GRAMD2B: variants seen among roughly 807,000 people sequenced by gnomAD.
GRAMD2B encodes GRAM domain containing 2B, also known as GRAM domain-containing protein 2B.
In GRAMD2B, 41 loss-of-function variants were observed where a neutral mutation model predicts 59.2. The ratio of observed to expected loss-of-function variants is 0.69; its 90% confidence interval spans 0.54 to 0.90. GRAMD2B has a LOEUF of 0.90. GRAMD2B is among the 40% of genes least tolerant of loss of function. The pLI is 0.00. For missense variants in GRAMD2B, 424 were observed against 500.5 expected, an observed-to-expected ratio of 0.85 and a Z score of 1.46; for synonymous variants, 161 against 182.7, an observed-to-expected ratio of 0.88 and a Z score of 0.96.
At chr5:126,485,624 T>C (rs1772755619) in intron 10 of GRAMD2B, 62 bp from the exon 11 acceptor site, 2 of 1,002,042 alleles carry the variant, frequency 2.0e-6, no homozygotes, top group East Asian at 2.4e-5. Context: ...CATAGGGATA[T>C]TGCTGGATAA....
chr5:126,399,746 C>A (rs1047083091), intron 1 of GRAMD2B, among the ~76,000 whole-genome samples: 2 of 152,112 alleles, frequency 1.3e-5, no homozygotes, highest in African/African-American at 4.8e-5. Context: ...ATCTTTCACT[C>A]GAGACAGTTT....
Position 126,400,747 on chromosome 5 carries a change from C to T in GRAMD2B, c.125+29180C>T, listed in dbSNP as rs371886090. 2.0e-4 allele frequency among the ~76,000 whole-genome samples: 31 copies of T among 152,170 alleles called. No homozygotes were observed. The South Asian group carries it at 5.4e-3, about 26-fold the overall frequency. The stretch of plus-strand genomic sequence containing the variant: ...TGGTATTCTTGGTTGGCAGTTTTTT[C>T]TTTCAGCACTTTGAAAATATCATCC... On this transcript the variant is annotated intron_variant, in intron 1 of 8. Transcript: ENST00000506445.
rs1195208309 is a variant in GRAMD2B, at chr5:126,484,413, A to G, written c.859A>G (p.Thr287Ala). 4 of 1,613,662 alleles carry G rather than the reference A, an allele frequency of 2.5e-6. No homozygotes were observed. In the African/African-American group the frequency reaches 5.3e-5, roughly 22 times the overall value. Residue 287 changes from threonine to alanine, a missense_variant, in exon 10 of 14, where the codon ACA (threonine) becomes GCA (alanine). Thr to Ala is a moderately conservative substitution (Grantham distance 58). Coordinates refer to ENST00000285689, the MANE Select transcript of GRAMD2B (RefSeq NM_023927.4). ...ESENSRDFHA[T>A]ESQTVLNVSK... ...TTTTGGCTTAGTAGATTTCCATGCGACAGAATCCCAAACAGTTCTGAATGT... is the reference window on the plus strand; with the variant it reads ...TTTTGGCTTAGTAGATTTCCATGCGGCAGAATCCCAAACAGTTCTGAATGT...
chr5:126,412,625 G>A (rs189852282), intron 1 of GRAMD2B, among the ~76,000 whole-genome samples: 28 of 152,148 alleles, frequency 1.8e-4, no homozygotes, highest in African/African-American at 5.1e-4. Flanking sequence ...TGGCTTTATA[G>A]AATGAGTTAG....
intron 1 of GRAMD2B, among the ~76,000 whole-genome samples, chr5:126,435,574 T>A (rs1218541282): frequency 2.0e-5 from 3 of 152,194 alleles, no homozygotes; most frequent in Non-Finnish European, 4.4e-5. Flanking sequence ...ACCGACTCTT[T>A]GAAACTTTAG....
chr5:126,412,539 A>T (rs555326669), intron 1 of GRAMD2B, among the ~76,000 whole-genome samples: 28 of 152,160 alleles, frequency 1.8e-4, no homozygotes, highest in African/African-American at 6.7e-4. Flanking sequence ...TTTTGCATCT[A>T]TGTTCATCAG....
At chr5:126,461,370 A>C (rs564446567) in intron 1 of GRAMD2B, among the ~76,000 whole-genome samples, 1 of 152,364 alleles carries the variant, frequency 6.6e-6, no homozygotes, top group South Asian at 2.1e-4. Context: ...GTCATCATCA[A>C]ACTAATGATG....
upstream of GRAMD2B, among the ~76,000 whole-genome samples, chr5:126,369,675 C>T (rs996635449): frequency 2.6e-5 from 4 of 152,080 alleles, no homozygotes; most frequent in African/African-American, 7.2e-5. Flanking sequence ...TGAGTGAGTA[C>T]GAGGAAAGCT....
chr5:126,428,613 C>T (rs1761007401), intron 1 of GRAMD2B, among the ~76,000 whole-genome samples: 1 of 152,180 alleles, frequency 6.6e-6, no homozygotes, highest in African/African-American at 2.4e-5. Flanking sequence ...CTGTCTCCTA[C>T]AGGTGTGACC....
chr5:126,485,650 G>T (rs1489569215), intron 10 of GRAMD2B, 36 bp from the exon 11 acceptor site: 4 of 1,349,134 alleles, frequency 3.0e-6, no homozygotes, highest in Admixed American at 3.4e-5. Flanking sequence ...GTGTGTTATG[G>T]TTTTAAACAG....
chr5:126,365,730 G>A (rs536102974), intron 1 of GRAMD2B, among the ~76,000 whole-genome samples: 5 of 151,210 alleles, frequency 3.3e-5, no homozygotes, highest in South Asian at 2.1e-4. Context: ...CTGGAAAACC[G>A]GTTTACCAAT....
intron 1 of GRAMD2B, among the ~76,000 whole-genome samples, chr5:126,460,289 A>G (rs1379239368): frequency 6.6e-6 from 1 of 152,362 alleles, no homozygotes; most frequent in Non-Finnish European, 1.5e-5. Context: ...ACCATGAAAC[A>G]GGGGTAAAAA....
intron 1 of GRAMD2B, among the ~76,000 whole-genome samples, chr5:126,407,552 T>C (rs781485292): frequency 5.9e-5 from 9 of 151,964 alleles, no homozygotes; most frequent in Non-Finnish European, 1.3e-4. Context: ...ATGGCTGAGA[T>C]CTAGTGAGTT....
At chr5:126,387,557 G>A (rs1756274525) in intron 1 of GRAMD2B, among the ~76,000 whole-genome samples, 1 of 150,712 alleles carries the variant, frequency 6.6e-6, no homozygotes, top group South Asian at 2.1e-4. Flanking sequence ...ATATATTTAT[G>A]TATTTATAAT....
chr5:126,432,750 T>C (rs928873119), intron 1 of GRAMD2B, among the ~76,000 whole-genome samples: 1 of 152,162 alleles, frequency 6.6e-6, no homozygotes, highest in Non-Finnish European at 1.5e-5. Context: ...GTATATAAAG[T>C]TGGACTTGTT....
At chr5:126,400,578 G>A (rs1757741266) in intron 1 of GRAMD2B, among the ~76,000 whole-genome samples, 1 of 151,996 alleles carries the variant, frequency 6.6e-6, no homozygotes, top group African/African-American at 2.4e-5. Context: ...ATGTTTTCAT[G>A]TTACTAATTA....
At chr5:126,411,858 GTGTT>G (rs1425511429) in intron 1 of GRAMD2B, among the ~76,000 whole-genome samples, 3 of 151,470 alleles carry the variant, frequency 2.0e-5, no homozygotes, top group African/African-American at 7.3e-5. Flanking sequence ...GTGTGTGTGT[GTGTT>G]TGTGTGTCTA....
chr5:126,408,049 AC>A (rs1267131471), intron 1 of GRAMD2B, among the ~76,000 whole-genome samples: 1 of 151,836 alleles, frequency 6.6e-6, no homozygotes, highest in East Asian at 1.9e-4. Flanking sequence ...TGATCTCATC[AC>A]CCAGGTCCTG....
chr5:126,482,987 G>T (rs1014927779), intron 8 of GRAMD2B, among the ~76,000 whole-genome samples: 1 of 152,164 alleles, frequency 6.6e-6, no homozygotes, highest in Non-Finnish European at 1.5e-5. Flanking sequence ...TACTTTCAGG[G>T]TCTAATTGGC....
Sources: gnomAD v4.1 joint callset for allele counts (sites outside exome capture counted in the v4.1 genomes callset) on GRCh38, gnomAD v4.1.1 for gene constraint, MANE v1.5 for transcripts, NCBI Gene and HGNC (gene_info 2026-07-23, HGNC 2026-07-21) for gene names.